The following RABGEF1 variants were observed in gnomAD, a reference collection of about 807,000 sequenced individuals.
RABGEF1 encodes RAB guanine nucleotide exchange factor 1.
A neutral mutation model predicts 57.3 loss-of-function variants in RABGEF1; 26 were observed. The observed-to-expected ratio is 0.45, with a 90% CI of 0.33 to 0.63. RABGEF1 has a LOEUF of 0.63. RABGEF1 is among the 20% of genes least tolerant of loss of function. The probability of loss-of-function intolerance (pLI) is 0.02; values close to 1 mark genes in which losing one functional copy is unlikely to be tolerated. For synonymous variants in RABGEF1, 185 were observed against 210.7 expected (o/e 0.88, Z 1.06); for missense variants, 464 against 607.6 (o/e 0.76, Z 2.48).
chr7:66,751,645 A>G (rs1801455186), intron 1 of RABGEF1, among the ~76,000 whole-genome samples: 1 of 152,302 alleles, frequency 6.6e-6, no homozygotes, highest in African/African-American at 2.4e-5. Flanking sequence ...TACTCCTAGC[A>G]GGTACCCACC....
At chr7:66,685,637 A>G (rs930919488) in intron 1 of RABGEF1, among the ~76,000 whole-genome samples, 13 of 152,336 alleles carry the variant, frequency 8.5e-5, no homozygotes, top group African/African-American at 3.1e-4. Flanking sequence ...TGGGCACACA[A>G]GTGTTTAATG....
chr7:66,671,032 T>G, the RABGEF1 span, among the ~76,000 whole-genome samples: 134,622 of 151,388 alleles, frequency 0.89, 59,919 homozygotes, highest in Middle Eastern at 0.94. Context: ...TATATATATA[T>G]AGAGAGAGAG....
Position 66,810,162 on chromosome 7 carries a change from G to C in RABGEF1, c.*878G>C, listed in dbSNP as rs958498960. ...GGCCTCTGATGGTGAGAGGTGACGG[G>C]GTCCCTCAGCTGTGAGATGCAAGGG... is the stretch of plus-strand genomic sequence containing the variant. On this transcript the variant is annotated 3_prime_UTR_variant, in exon 9 of 9. Coordinates refer to ENST00000284957, the MANE Select transcript of RABGEF1 (RefSeq NM_014504.3). The C allele has an allele frequency of 2.0e-5, 3 of 152,126 alleles. No homozygotes were observed. Among genetic ancestry groups the C allele is most frequent in the Non-Finnish European group, 4.4e-5 (3 of 68,028 alleles). The allele number at this position is 152,126 out of a possible 1,614,324, so 9.4% of individuals were successfully genotyped here.
chr7:66,718,883 G>A (rs1343886247), intron 2 of RABGEF1, among the ~76,000 whole-genome samples: 1 of 152,182 alleles, frequency 6.6e-6, no homozygotes, highest in Non-Finnish European at 1.5e-5. Context: ...ACACTTTTCA[G>A]CTCCCAAGGG....
chr7:66,805,429 G>A (rs1378205235), intron 8 of RABGEF1, 33 bp downstream of exon 8: 1 of 1,607,552 alleles, frequency 6.2e-7, no homozygotes, highest in Admixed American at 1.7e-5. Flanking sequence ...TTGTGGAGAA[G>A]GACTAGGAAG....
the RABGEF1 span, among the ~76,000 whole-genome samples, chr7:66,662,233 C>T: frequency 4.0e-3 from 583 of 145,182 alleles, 3 homozygotes; most frequent in Non-Finnish European, 7.4e-3. Flanking sequence ...AGCGAGACTC[C>T]GTCTCAAAAA....
upstream of RABGEF1, chr7:66,740,638 C>G (rs1798681592): frequency 6.5e-6 from 1 of 152,824 alleles, no homozygotes; most frequent in Non-Finnish European, 1.5e-5. Flanking sequence ...CCGGAAGTGA[C>G]GTTTACGCGC....
upstream of RABGEF1, among the ~76,000 whole-genome samples, chr7:66,679,658 TG>T (rs1789553076): frequency 6.6e-6 from 1 of 152,010 alleles, no homozygotes; most frequent in Non-Finnish European, 1.5e-5. Flanking sequence ...AACTTTGAAA[TG>T]ATACCCACTT....
intron 2 of RABGEF1, among the ~76,000 whole-genome samples, chr7:66,715,009 C>T (rs1363451435): frequency 6.6e-6 from 1 of 151,876 alleles, no homozygotes; most frequent in Non-Finnish European, 1.5e-5. Context: ...CCTCCTCCTC[C>T]TCTTCTTCTT....
At chr7:66,762,083 CAT>C (rs146679696) in intron 1 of RABGEF1, among the ~76,000 whole-genome samples, 2,204 of 151,552 alleles carry the variant, frequency 0.015, 58 homozygotes, top group East Asian at 0.094. Context: ...AAAACAAAAA[CAT>C]AAAATCCTAG....
intron 1 of RABGEF1, among the ~76,000 whole-genome samples, chr7:66,703,832 G>A (rs1793636681): frequency 6.6e-6 from 1 of 152,172 alleles, no homozygotes; most frequent in African/African-American, 2.4e-5. Context: ...GTGAAAAATG[G>A]CAGTAGGAAT....
chr7:66,707,881 C>T (rs1286865176), intron 1 of RABGEF1, among the ~76,000 whole-genome samples: 2 of 152,196 alleles, frequency 1.3e-5, no homozygotes, highest in East Asian at 1.9e-4. Flanking sequence ...TCTCTAGTAA[C>T]ATTTTTTTTG....
chr7:66,687,548 A>G (rs1790875721), intron 1 of RABGEF1, among the ~76,000 whole-genome samples: 1 of 151,934 alleles, frequency 6.6e-6, no homozygotes, highest in Non-Finnish European at 1.5e-5. Flanking sequence ...GAGTGGTGGC[A>G]TGTTCCTGCA....
chr7:66,722,857 T>C (rs1291846408), intron 2 of RABGEF1, among the ~76,000 whole-genome samples: 3 of 152,232 alleles, frequency 2.0e-5, no homozygotes, highest in Admixed American at 2.0e-4. Flanking sequence ...TTACACTGAA[T>C]CTGTACATCA....
chr7:66,655,520 T>C, the RABGEF1 span, among the ~76,000 whole-genome samples: 1 of 152,180 alleles, frequency 6.6e-6, no homozygotes, highest in Non-Finnish European at 1.5e-5. Flanking sequence ...CCCCTAAACC[T>C]AGAACTGCTT....
chr7:66,797,645 C>CA, intron 6 of RABGEF1, 139 bp downstream of exon 6: 3 of 941,950 alleles, frequency 3.2e-6, no homozygotes, highest in South Asian at 1.8e-5. Flanking sequence ...GTGGAAGCAG[C>CA]TCTGTTGTGT....
At chr7:66,802,018 G>A (rs1469868388) in intron 7 of RABGEF1, among the ~76,000 whole-genome samples, 2 of 152,066 alleles carry the variant, frequency 1.3e-5, no homozygotes, top group Non-Finnish European at 2.9e-5. Flanking sequence ...CAAGCGATCC[G>A]TCCGCCTCAG....
At chr7:66,787,501 G>A (rs1161044304) in intron 4 of RABGEF1, among the ~76,000 whole-genome samples, 1 of 151,864 alleles carries the variant, frequency 6.6e-6, no homozygotes, top group Non-Finnish European at 1.5e-5. Context: ...GCACCACCAT[G>A]CCGAGCTAAT....
chr7:66,755,035 C>A (rs1802372330), intron 1 of RABGEF1, among the ~76,000 whole-genome samples: 1 of 152,208 alleles, frequency 6.6e-6, no homozygotes, highest in Non-Finnish European at 1.5e-5. Context: ...TGGCTCACAC[C>A]TGTAATCCCA....
Sources: allele counts gnomAD v4.1 joint callset (sites outside exome capture counted in the v4.1 genomes callset), GRCh38; gene constraint gnomAD v4.1.1; transcripts MANE v1.5; gene names NCBI Gene and HGNC (gene_info 2026-07-23, HGNC 2026-07-21).